SYT1: variants seen among roughly 807,000 people sequenced by gnomAD.
SYT1 encodes the protein synaptotagmin-1.
A neutral mutation model predicts 44.8 loss-of-function variants in SYT1; 8 were observed. The ratio of observed to expected loss-of-function variants is 0.18; its 90% CI spans 0.10 to 0.32. The LOEUF is 0.32. SYT1 is among the 10% of genes least tolerant of loss of function. The pLI is 1.00. For missense variants in SYT1, 286 were observed against 509.3 expected, an observed-to-expected ratio of 0.56 and a Z score of 4.22; for synonymous variants, 154 against 188.8, an observed-to-expected ratio of 0.82 and a Z score of 1.51.
chr12:79,417,018 A>T (rs1170898147), intron 9 of SYT1, among the ~76,000 whole-genome samples: 1 of 152,128 alleles, frequency 6.6e-6, no homozygotes, highest in African/African-American at 2.4e-5. Flanking sequence ...TCTAACAATG[A>T]TATATTTGTA....
chr12:78,943,327 G>A (rs1357299950), intron 1 of SYT1, among the ~76,000 whole-genome samples: 1 of 152,160 alleles, frequency 6.6e-6, no homozygotes, highest in Non-Finnish European at 1.5e-5. Flanking sequence ...CTTGGCATCT[G>A]CACAGCTTCT....
intron 9 of SYT1, among the ~76,000 whole-genome samples, chr12:79,415,540 G>C (rs1355027399): frequency 6.6e-6 from 1 of 152,162 alleles, no homozygotes; most frequent in Non-Finnish European, 1.5e-5. Flanking sequence ...AAACATTTTT[G>C]TATGATAGCA....
intron 1 of SYT1, among the ~76,000 whole-genome samples, chr12:78,939,672 T>C (rs941792337): frequency 2.0e-5 from 3 of 152,198 alleles, no homozygotes; most frequent in African/African-American, 7.2e-5. Flanking sequence ...GGACTCTAGA[T>C]TCACTTTCTG....
chr12:79,290,136 A>C (rs144495115), intron 5 of SYT1, among the ~76,000 whole-genome samples: 259 of 152,250 alleles, frequency 1.7e-3, no homozygotes, highest in African/African-American at 5.9e-3. Context: ...TCATGATGGC[A>C]ATTTTCAATT....
At chr12:79,396,214 A>T (rs1181519278) in intron 9 of SYT1, among the ~76,000 whole-genome samples, 1 of 152,174 alleles carries the variant, frequency 6.6e-6, no homozygotes, top group Non-Finnish European at 1.5e-5. Context: ...GCCAATTTTC[A>T]TCTGGGACCA....
At chr12:78,957,955 A>G (rs550668427) in intron 1 of SYT1, among the ~76,000 whole-genome samples, 1 of 152,326 alleles carries the variant, frequency 6.6e-6, no homozygotes, top group East Asian at 1.9e-4. Flanking sequence ...TTCAAACAAA[A>G]GAAATAACTA....
intron 3 of SYT1, among the ~76,000 whole-genome samples, chr12:79,147,834 G>A (rs190029322): frequency 2.6e-5 from 4 of 152,206 alleles, no homozygotes; most frequent in African/African-American, 9.6e-5. Flanking sequence ...AGGGTCAAAC[G>A]TAAAATTTTT....
intron 4 of SYT1, among the ~76,000 whole-genome samples, chr12:79,234,708 CTTTCTT>C (rs745613590): frequency 1.5e-3 from 151 of 102,902 alleles, no homozygotes; most frequent in Middle Eastern, 5.1e-3. Context: ...TTCTTTCTTT[CTTTCTT>C]TTTTTTTTTT....
intron 3 of SYT1, among the ~76,000 whole-genome samples, chr12:79,188,994 GCT>G (rs1246682403): frequency 5.3e-5 from 8 of 152,002 alleles, no homozygotes; most frequent in Admixed American, 2.0e-4. Flanking sequence ...TCTGAAAGTA[GCT>G]CTTTCTCAGT....
rs566175647 is a variant in SYT1, at chr12:78,894,330, G to GTTTTTTTTTTTTTTTTTTTTTTTTTTTT, written c.-217+29229_-217+29256dup. Among the ~76,000 whole-genome samples the GTTTTTTTTTTTTTTTTTTTTTTTTTTTT allele has an allele frequency of 3.2e-4, 9 of 27,710 alleles. 2 individuals carry two copies. Among genetic ancestry groups the GTTTTTTTTTTTTTTTTTTTTTTTTTTTT allele is most frequent in the Admixed American group, 7.0e-4 (1 of 1,422 alleles). 18.2% of individuals were successfully genotyped at this position (27,710 alleles called of 152,430 possible). On this transcript the variant is annotated intron_variant, in intron 1 of 10. Transcript: ENST00000261205. ...AATTTATGATTGTGTTTTTTAATCT[G>GTTTTTTTTTTTTTTTTTTTTTTTTTTTT]TTTTTTTTTTTTTTTTTTTTTTTTT...
intron 3 of SYT1, among the ~76,000 whole-genome samples, chr12:79,094,429 A>C (rs780988467): frequency 2.6e-5 from 4 of 151,888 alleles, no homozygotes; most frequent in Non-Finnish European, 5.9e-5. Flanking sequence ...AGCCAATTTG[A>C]AATTCTTCCA....
chr12:78,922,721 A>G (rs1877076580), intron 1 of SYT1, among the ~76,000 whole-genome samples: 1 of 151,886 alleles, frequency 6.6e-6, no homozygotes, highest in South Asian at 2.1e-4. Context: ...TGTATATTTA[A>G]CTTTATCTTT....
chr12:79,289,983 A>G (rs994857379), intron 5 of SYT1, among the ~76,000 whole-genome samples: 13 of 152,074 alleles, frequency 8.5e-5, no homozygotes, highest in African/African-American at 3.1e-4. Context: ...AAATTTTAAA[A>G]TATTTTCATG....
chr12:78,873,209 A>AT (rs1350676463), intron 1 of SYT1, among the ~76,000 whole-genome samples: 1 of 151,556 alleles, frequency 6.6e-6, no homozygotes, highest in East Asian at 1.9e-4. Context: ...AGCCTCTTAT[A>AT]TTTTTTGTCT....
At chr12:78,976,957 T>C (rs1301246784) in intron 1 of SYT1, among the ~76,000 whole-genome samples, 3 of 152,152 alleles carry the variant, frequency 2.0e-5, no homozygotes, top group African/African-American at 7.2e-5. Context: ...CTAAAATTAT[T>C]ACTTTCAACC....
intron 1 of SYT1, among the ~76,000 whole-genome samples, chr12:78,966,999 G>A (rs770980596): frequency 6.6e-6 from 1 of 152,118 alleles, no homozygotes; most frequent in Non-Finnish European, 1.5e-5. Flanking sequence ...AGCATAAACT[G>A]TTGAAGGCAA....
intron 3 of SYT1, among the ~76,000 whole-genome samples, chr12:79,061,179 T>C (rs990427070): frequency 2.6e-4 from 39 of 152,274 alleles, no homozygotes; most frequent in Admixed American, 2.5e-3. Context: ...TGGAATATTC[T>C]TGTTCAAGAA....
chr12:79,290,069 C>T (rs888936925), intron 5 of SYT1, among the ~76,000 whole-genome samples: 1 of 152,084 alleles, frequency 6.6e-6, no homozygotes, highest in African/African-American at 2.4e-5. Context: ...ATTAAACTTT[C>T]CAAATTAAGT....
intron 1 of SYT1, among the ~76,000 whole-genome samples, chr12:78,885,557 C>T (rs915709521): frequency 6.6e-6 from 1 of 152,068 alleles, no homozygotes; most frequent in Non-Finnish European, 1.5e-5. Context: ...AATCACATTT[C>T]ACCACAGATC....
Sources: gnomAD v4.1 joint callset for allele counts (sites outside exome capture counted in the v4.1 genomes callset) on GRCh38, gnomAD v4.1.1 for gene constraint, MANE v1.5 for transcripts, NCBI Gene and HGNC (gene_info 2026-07-23, HGNC 2026-07-21) for gene names.